Variants in CNTN1 observed in about 807,000 individuals in gnomAD.
CNTN1 encodes contactin 1, also known as contactin-1.
Under a neutral mutation model 126.4 loss-of-function variants are expected in CNTN1, and 38 were observed. The observed-to-expected ratio is 0.30, with a 90% CI of 0.23 to 0.39. The LOEUF is 0.39. CNTN1 is among the 10% of genes least tolerant of loss of function. The pLI, the probability that CNTN1 is intolerant of heterozygous loss-of-function variation, is 1.00. For synonymous variants in CNTN1, 413 were observed against 422.6 expected (o/e 0.98, Z 0.28); for missense variants, 1,009 against 1,248.4 (o/e 0.81, Z 2.89).
chr12:40,711,872 C>T (rs966347274), intron 1 of CNTN1, among the ~76,000 whole-genome samples: 1 of 152,094 alleles, frequency 6.6e-6, no homozygotes, highest in African/African-American at 2.4e-5. Context: ...GCCATTATGG[C>T]TAGCCTGTTA....
rs1301542795 is a variant in CNTN1, at chr12:40,757,292, A to AT, written c.-77+64700_-77+64701insT. Among the ~76,000 whole-genome samples the AT allele has an allele frequency of 2.2e-3, 9 of 4,040 alleles. No homozygotes were observed. The Non-Finnish European group carries it at 0.12, about 54-fold the overall frequency. The allele number at this position is 4,040 out of a possible 152,430, so 2.7% of individuals were successfully genotyped here. A position where few individuals can be genotyped will look rare whatever the true frequency, so the allele number is the denominator to read the frequency against. ...GTTTCAATATTTGAGTTTGGGAAGG[A>AT]CAAAACTTTCAGTCTATTTCATAGA... On this transcript the variant is annotated intron_variant, in intron 1 of 23. Transcript: ENST00000551295.
chr12:41,024,544 A>G (rs1369882546), intron 20 of CNTN1, among the ~76,000 whole-genome samples: 1 of 152,136 alleles, frequency 6.6e-6, no homozygotes, highest in African/African-American at 2.4e-5. Context: ...AAATTATTTT[A>G]TGGGTAAATA....
chr12:40,950,923 A>AT (rs1473054523), intron 14 of CNTN1, among the ~76,000 whole-genome samples: 1 of 151,798 alleles, frequency 6.6e-6, no homozygotes, highest in Non-Finnish European at 1.5e-5. Context: ...TTAAGCATAT[A>AT]TATATATAAG....
chr12:40,823,917 A>G (rs1941530486), intron 1 of CNTN1, among the ~76,000 whole-genome samples: 1 of 152,084 alleles, frequency 6.6e-6, no homozygotes, highest in Non-Finnish European at 1.5e-5. Flanking sequence ...CTAGTGTTTA[A>G]ATATCTCTAA....
intron 1 of CNTN1, among the ~76,000 whole-genome samples, chr12:40,756,826 T>A (rs956971413): frequency 6.6e-6 from 1 of 152,162 alleles, no homozygotes; most frequent in African/African-American, 2.4e-5. Flanking sequence ...TAACTGAAAC[T>A]ATCTTGTTTA....
intron 1 of CNTN1, among the ~76,000 whole-genome samples, chr12:40,695,171 C>A (rs1052241371): frequency 1.3e-5 from 2 of 152,218 alleles, no homozygotes; most frequent in African/African-American, 4.8e-5. Context: ...TACCCCACCA[C>A]ATTGAACACA....
intron 23 of CNTN1, among the ~76,000 whole-genome samples, chr12:41,060,038 G>T (rs538478174): frequency 6.6e-6 from 1 of 152,100 alleles, no homozygotes; most frequent in African/African-American, 2.4e-5. Flanking sequence ...AAAATGAACA[G>T]ATATTTGTTA....
intron 1 of CNTN1, among the ~76,000 whole-genome samples, chr12:40,816,443 T>A (rs150117715): frequency 2.0e-3 from 308 of 152,318 alleles, no homozygotes; most frequent in Non-Finnish European, 3.3e-3. Context: ...TGCATAGAGG[T>A]GTTTTTATTA....
chr12:41,012,987 A>T (rs1338239833), intron 17 of CNTN1, among the ~76,000 whole-genome samples: 1 of 152,142 alleles, frequency 6.6e-6, no homozygotes, highest in Non-Finnish European at 1.5e-5. Context: ...AATAGGCAGA[A>T]GAGAAGTGAA....
At chr12:40,777,004 A>G (rs76623384) in intron 1 of CNTN1, among the ~76,000 whole-genome samples, 1,735 of 151,728 alleles carry the variant, frequency 0.011, 40 homozygotes, top group African/African-American at 0.04. Flanking sequence ...TTCTCTTGGC[A>G]TTAACTGTCA....
Position 40,837,065 on chromosome 12 carries a change from C to T in CNTN1, c.-76-71292C>T, listed in dbSNP as rs143717456. Among the ~76,000 whole-genome samples the T allele has an allele frequency of 9.8e-3, 1,493 of 152,292 alleles. 9 individuals carry two copies. The highest frequency in any genetic ancestry group is 0.014 in the Non-Finnish European group (983 of 68,026). On this transcript the variant is annotated intron_variant, in intron 1 of 23. Coordinates refer to ENST00000551295, the MANE Select transcript of CNTN1 (RefSeq NM_001843.4). ...CCTATATTCATTAGATTGTTCATCT[C>T]CCTTTCCTTTTAACTAAAATATATA...
chr12:40,984,187 A>G (rs1947895720), intron 16 of CNTN1, among the ~76,000 whole-genome samples: 1 of 151,732 alleles, frequency 6.6e-6, no homozygotes, highest in Non-Finnish European at 1.5e-5. Flanking sequence ...CTTTCTATAA[A>G]TGTTTGCCTA....
Position 40,813,061 on chromosome 12 carries a change from TCC to T in CNTN1, c.-76-95295_-76-95294del, listed in dbSNP as rs1941138357. ...TTCCTTTCTTTCTTTCTTTCTTTCT[TCC>T]TTCCTTCCTTCCTTCCTTCCTTCCT... On this transcript the variant is annotated intron_variant, in intron 1 of 23. Transcript: ENST00000551295. Among the ~76,000 whole-genome samples the T allele has an allele frequency of 3.4e-4, 40 of 117,386 alleles. 1 individual carries two copies. Among genetic ancestry groups the T allele is most frequent in the African/African-American group, 9.6e-4 (29 of 30,086 alleles). 77.0% of individuals were successfully genotyped at this position (117,386 alleles called of 152,430 possible). A position where few individuals can be genotyped will look rare whatever the true frequency, so the allele number is the denominator to read the frequency against.
chr12:41,022,928 G>A (rs1330481075), intron 20 of CNTN1, among the ~76,000 whole-genome samples: 1 of 152,022 alleles, frequency 6.6e-6, no homozygotes, highest in Non-Finnish European at 1.5e-5. Context: ...TTTACACAGG[G>A]TCTTGGATAT....
chr12:41,013,734 G>A (rs979873520), intron 17 of CNTN1, among the ~76,000 whole-genome samples: 1 of 152,046 alleles, frequency 6.6e-6, no homozygotes, highest in Non-Finnish European at 1.5e-5. Flanking sequence ...AGTCACTGAC[G>A]GCGCAGTTTC....
At chr12:40,718,698 A>T (rs1280545297) in intron 1 of CNTN1, among the ~76,000 whole-genome samples, 1 of 152,212 alleles carries the variant, frequency 6.6e-6, no homozygotes, top group Admixed American at 6.5e-5. Context: ...GTAGACTACT[A>T]TCCCCTATTT....
At chr12:40,754,586 C>T (rs538421899) in intron 1 of CNTN1, among the ~76,000 whole-genome samples, 2 of 151,920 alleles carry the variant, frequency 1.3e-5, no homozygotes, top group African/African-American at 2.4e-5. Context: ...GCAACTGTAT[C>T]TTCTTTTGCA....
At chr12:40,693,028 C>T (rs920020924) in intron 1 of CNTN1, among the ~76,000 whole-genome samples, 1 of 152,212 alleles carries the variant, frequency 6.6e-6, no homozygotes, top group Non-Finnish European at 1.5e-5. Flanking sequence ...TCTTTCCCAT[C>T]CCACCTGGGC....
At chr12:40,929,405 T>C (rs1346973773) in intron 6 of CNTN1, among the ~76,000 whole-genome samples, 1 of 151,908 alleles carries the variant, frequency 6.6e-6, no homozygotes, top group African/African-American at 2.4e-5. Context: ...ATTATATTTA[T>C]AAAATGCAGT....
Sources: allele counts gnomAD v4.1 joint callset (sites outside exome capture counted in the v4.1 genomes callset), GRCh38; gene constraint gnomAD v4.1.1; transcripts MANE v1.5; gene names NCBI Gene and HGNC (gene_info 2026-07-23, HGNC 2026-07-21).